The following HSD17B12 variants were observed in gnomAD, a reference collection of about 807,000 sequenced individuals.
The protein encoded by HSD17B12 is hydroxysteroid 17-beta dehydrogenase 12.
Under a neutral mutation model 39.3 loss-of-function variants are expected in HSD17B12, and 32 were observed. The observed-to-expected ratio is 0.81, with a 90% CI of 0.61 to 1.09. HSD17B12 has a LOEUF of 1.09. HSD17B12 is among the 50% of genes least tolerant of loss of function. The pLI is 0.00. For missense variants in HSD17B12, 342 were observed against 382.9 expected (o/e 0.89, Z 0.89); for synonymous variants, 150 against 146.7 (o/e 1.02, Z -0.16).
At chr11:43,813,555 T>A (rs1951092740) in intron 4 of HSD17B12, among the ~76,000 whole-genome samples, 1 of 152,158 alleles carries the variant, frequency 6.6e-6, no homozygotes, top group Admixed American at 6.5e-5. Flanking sequence ...ATGTGCAATA[T>A]TTTAACAGAT....
rs548215018 is a variant in HSD17B12, at chr11:43,825,087, T to C, written c.502-5889T>C. ...CAGAGGTTGCAGTGGGCCAAGATCGTGCCACTGGACTCCAGCCTGGCTGGC... is the reference window on the plus strand; with the variant it reads ...CAGAGGTTGCAGTGGGCCAAGATCGCGCCACTGGACTCCAGCCTGGCTGGC... On this transcript the variant is annotated intron_variant, in intron 6 of 10. Coordinates refer to ENST00000278353, the MANE Select transcript of HSD17B12 (RefSeq NM_016142.3). 9.3e-5 allele frequency among the ~76,000 whole-genome samples: 14 copies of C among 151,294 alleles called. No homozygotes were observed. In the East Asian group the frequency reaches 2.0e-3, roughly 21 times the overall value.
rs753588329 is a variant in HSD17B12 at position 43,831,810 on chromosome 11, G to A, written c.536+800G>A. Among the ~76,000 whole-genome samples, 1 of 152,166 alleles carries A rather than the reference G, an allele frequency of 6.6e-6. No homozygotes were observed. Among genetic ancestry groups the A allele is most frequent in the Non-Finnish European group, 1.5e-5 (1 of 68,034 alleles). On this transcript the variant is annotated intron_variant, in intron 7 of 10. Transcript: ENST00000278353. This position sits in a 1 kb window ranked among gnomAD's most constrained non-coding sequence, Gnocchi z 4.1. ...CCAGAGGAATCACAGCTTTGAAAAG[G>A]GAAGACCCAAGGACCCTACTTCTGT...
the HSD17B12 span, chr11:43,673,485 TTCTTTTC>T: frequency 7.4e-4 from 43 of 58,366 alleles, no homozygotes; most frequent in Admixed American, 5.7e-3. Context: ...TTCTTTTCTT[TTCTTTTC>T]TTTTTTTTTT....
At chr11:43,643,352 A>C in the HSD17B12 span, among the ~76,000 whole-genome samples, 1 of 152,108 alleles carries the variant, frequency 6.6e-6, no homozygotes, top group Non-Finnish European at 1.5e-5. Flanking sequence ...GCGTTTTTAA[A>C]CTCTTATTTT....
At chr11:43,702,333 C>A (rs1261370123) in intron 1 of HSD17B12, among the ~76,000 whole-genome samples, 1 of 152,142 alleles carries the variant, frequency 6.6e-6, no homozygotes, top group Non-Finnish European at 1.5e-5. Context: ...TTTCTCTAAT[C>A]CAACTGCTGT....
chr11:43,816,332 A>G lies in HSD17B12; in HGVS notation c.457-15A>G. ...ATGATCAAGTGTATATAAAATTCTC[A>G]ATATTTTTTTGCAGGTGATCAAGAA... On this transcript the variant is annotated splice_polypyrimidine_tract_variant and intron_variant, in intron 5 of 10. Transcript: ENST00000278353. 6.8e-7 allele frequency: 1 copy of G among 1,478,238 alleles called. No individual in the cohort carries two copies. Among genetic ancestry groups the G allele is most frequent in the Non-Finnish European group, 9.2e-7 (1 of 1,091,416 alleles). 91.6% of individuals were successfully genotyped at this position (1,478,238 alleles called of 1,614,324 possible).
At chr11:43,778,907 T>C (rs1373599237) in intron 3 of HSD17B12, among the ~76,000 whole-genome samples, 2 of 152,232 alleles carry the variant, frequency 1.3e-5, no homozygotes, top group African/African-American at 4.8e-5. Flanking sequence ...TATTGTGAAC[T>C]AATTTTAATA....
intron 1 of HSD17B12, among the ~76,000 whole-genome samples, chr11:43,706,688 G>GT (rs1330558420): frequency 1.2e-4 from 18 of 144,008 alleles, no homozygotes; most frequent in African/African-American, 4.0e-4. Flanking sequence ...GTGAATGAAG[G>GT]GGTGTGTGTG....
the HSD17B12 span, among the ~76,000 whole-genome samples, chr11:43,665,910 G>T: frequency 5.5e-4 from 83 of 152,276 alleles, 1 homozygote; most frequent in Non-Finnish European, 1.0e-3. Flanking sequence ...GCCTATATTG[G>T]CCAAATTCTT....
chr11:43,611,754 A>G, the HSD17B12 span, among the ~76,000 whole-genome samples: 1 of 152,122 alleles, frequency 6.6e-6, no homozygotes, highest in Non-Finnish European at 1.5e-5. Context: ...ACAATAGTGA[A>G]TTTTTTTGTT....
Position 43,741,434 on chromosome 11 carries a change from A to G in HSD17B12, c.161-9477A>G, listed in dbSNP as rs1271725596. On this transcript the variant is annotated intron_variant, in intron 1 of 10. Coordinates refer to ENST00000278353, the MANE Select transcript of HSD17B12 (RefSeq NM_016142.3). ...CTGGCTCAGTTTACACCATTTTTCT[A>G]TTCATAGTAGCAAAGGACTTTAAAA... Among the ~76,000 whole-genome samples the G allele has an allele frequency of 3.9e-5, 6 of 152,118 alleles. No homozygotes were observed. The South Asian group carries it at 6.2e-4, about 16-fold the overall frequency.
chr11:43,739,487 A>T (rs1469242621), intron 1 of HSD17B12, among the ~76,000 whole-genome samples: 4 of 152,234 alleles, frequency 2.6e-5, no homozygotes, highest in Non-Finnish European at 5.9e-5. Flanking sequence ...GTTGTCTGGA[A>T]AGGGATACTG....
chr11:43,735,290 G>T (rs1386529732), intron 1 of HSD17B12, among the ~76,000 whole-genome samples: 1 of 152,176 alleles, frequency 6.6e-6, no homozygotes, highest in African/African-American at 2.4e-5. Flanking sequence ...ATATACCTAG[G>T]AGTGGAATTG....
intron 4 of HSD17B12, among the ~76,000 whole-genome samples, chr11:43,812,870 C>A (rs1408180525): frequency 6.6e-6 from 1 of 152,202 alleles, no homozygotes; most frequent in African/African-American, 2.4e-5. Flanking sequence ...GAGACAGAGT[C>A]TCCCTCTGTC....
At chr11:43,713,622 G>A (rs1433123312) in intron 1 of HSD17B12, among the ~76,000 whole-genome samples, 4 of 152,108 alleles carry the variant, frequency 2.6e-5, no homozygotes, top group Non-Finnish European at 4.4e-5. Flanking sequence ...AGCATGATTT[G>A]TAATCCTTTG....
chr11:43,730,742 G>T (rs1467794849), intron 1 of HSD17B12, among the ~76,000 whole-genome samples: 2 of 152,102 alleles, frequency 1.3e-5, no homozygotes, highest in East Asian at 3.9e-4. Context: ...GGTGTGCTGG[G>T]CCTCAGCATC....
rs542806344 is a variant in HSD17B12, at chr11:43,782,900, G to A, written c.284-15420G>A. On this transcript the variant is annotated intron_variant, in intron 3 of 10. Coordinates refer to ENST00000278353, the MANE Select transcript of HSD17B12 (RefSeq NM_016142.3). The stretch of plus-strand genomic sequence containing the variant: ...CAAAAGTTATCATCATCAGTACTGG[G>A]ACAAATCAAAATGATGTGCCACCTG... Among the ~76,000 whole-genome samples the A allele has an allele frequency of 3.3e-5, 5 of 152,282 alleles. No individual in the cohort carries two copies. The East Asian group carries it at 5.8e-4, about 18-fold the overall frequency.
the HSD17B12 span, among the ~76,000 whole-genome samples, chr11:43,627,686 A>G: frequency 1.1e-4 from 16 of 152,020 alleles, no homozygotes; most frequent in South Asian, 2.1e-4. Context: ...AAATCTTTAA[A>G]AAGCTTTCAT....
chr11:43,838,811 T>C (rs901228130), intron 8 of HSD17B12, among the ~76,000 whole-genome samples: 2 of 152,126 alleles, frequency 1.3e-5, no homozygotes, highest in African/African-American at 4.8e-5. Context: ...AAGAAATGCA[T>C]CTAGTCAATG....
Sources: allele counts gnomAD v4.1 joint callset (sites outside exome capture counted in the v4.1 genomes callset), GRCh38; gene constraint gnomAD v4.1.1; non-coding constraint Gnocchi (gnomAD v3.1); transcripts MANE v1.5; gene names NCBI Gene and HGNC (gene_info 2026-07-23, HGNC 2026-07-21).